Variants in SOBP observed in about 807,000 individuals in gnomAD.
SOBP encodes sine oculis-binding protein homolog.
Under a neutral mutation model 53.6 loss-of-function variants are expected in SOBP, and 4 were observed. That is an observed-to-expected ratio of 0.07 (90% CI 0.04 to 0.17). The LOEUF (loss-of-function observed/expected upper bound fraction) is 0.17. SOBP is among the 10% of genes least tolerant of loss of function. The pLI, the probability that SOBP is intolerant of heterozygous loss-of-function variation, is 1.00. For synonymous variants in SOBP, 584 were observed against 522.6 expected, an observed-to-expected ratio of 1.12 and a Z score of -1.60; for missense variants, 1,088 against 1,204.7, an observed-to-expected ratio of 0.90 and a Z score of 1.43.
At chr6:107,572,265 G>A (rs957316286) in intron 4 of SOBP, among the ~76,000 whole-genome samples, 24 of 150,744 alleles carry the variant, frequency 1.6e-4, no homozygotes, top group Non-Finnish European at 2.8e-4. Context: ...AAAAGCCCTA[G>A]CCTTTTGAAT....
At chr6:107,494,027 T>C (rs1008505913) in intron 1 of SOBP, among the ~76,000 whole-genome samples, 2 of 152,220 alleles carry the variant, frequency 1.3e-5, no homozygotes, top group African/African-American at 2.4e-5. Flanking sequence ...CCTGAAAATA[T>C]CTTCATGTAG....
intron 5 of SOBP, among the ~76,000 whole-genome samples, chr6:107,613,308 C>G (rs1308019689): frequency 6.6e-6 from 1 of 152,160 alleles, no homozygotes; most frequent in African/African-American, 2.4e-5. Flanking sequence ...AAGACTAGAC[C>G]CAGGAGAAAA....
intron 4 of SOBP, among the ~76,000 whole-genome samples, chr6:107,550,608 A>T (rs1350227578): frequency 1.3e-5 from 2 of 152,204 alleles, no homozygotes; most frequent in Non-Finnish European, 2.9e-5. Flanking sequence ...GCGGGTAAGA[A>T]GAACCCGGGC....
At chr6:107,529,616 G>C (rs1783762648) in intron 3 of SOBP, 1 of 985,284 alleles carries the variant, frequency 1.0e-6, no homozygotes, top group Admixed American at 6.1e-5. Flanking sequence ...GGTCAGGTAA[G>C]TTAGTATACA....
rs566492066 is a variant in SOBP at position 107,643,115 on chromosome 6, C to G, written c.*3+7646C>G. Among the ~76,000 whole-genome samples, 5 of 152,232 alleles carry G rather than the reference C, an allele frequency of 3.3e-5. No individual in the cohort carries two copies. The East Asian group carries it at 9.7e-4, about 29-fold the overall frequency. Reference sequence around the variant, plus strand: ...GGCATTTGGAGAGAGAAGGGGAAACCCTATATTTCATCCTTCAACTCTTGT... The same window carrying G: ...GGCATTTGGAGAGAGAAGGGGAAACGCTATATTTCATCCTTCAACTCTTGT... On this transcript the variant is annotated intron_variant, in intron 6 of 6. Transcript: ENST00000317357.
At chr6:107,646,291 G>A (rs1401689035) in intron 6 of SOBP, among the ~76,000 whole-genome samples, 1 of 152,224 alleles carries the variant, frequency 6.6e-6, no homozygotes, top group Non-Finnish European at 1.5e-5. Context: ...GTGGGCCTAA[G>A]GAAATGTCAC....
chr6:107,507,339 C>T lies in SOBP; in HGVS notation c.421+912C>T, dbSNP rs560297156. Among the ~76,000 whole-genome samples the T allele has an allele frequency of 3.9e-4, 59 of 152,100 alleles. 1 individual carries two copies. In the South Asian group the frequency reaches 0.011, roughly 28 times the overall value. ...TTGTTTTTTGAGACAGAGTTTCGCT[C>T]TTCTCACCCAGGCTGGAGAGCAGTG... On this transcript the variant is annotated intron_variant, in intron 3 of 6. Coordinates refer to ENST00000317357, the MANE Select transcript of SOBP (RefSeq NM_018013.4).
Position 107,591,960 on chromosome 6 carries a change from C to G in SOBP, c.669+4785C>G, listed in dbSNP as rs993320737. ...TGCTTTTGTGAGGGACAGATTTGGT[C>G]TTTTGGTGTTTTTTTTTTTTTTTTT... On this transcript the variant is annotated intron_variant, in intron 5 of 6. Transcript: ENST00000317357. 3.8e-3 allele frequency among the ~76,000 whole-genome samples: 362 copies of G among 95,058 alleles called. 5 individuals carry two copies. Among genetic ancestry groups the G allele is most frequent in the Non-Finnish European group, 4.0e-3 (195 of 48,864 alleles). 62.4% of individuals were successfully genotyped at this position (95,058 alleles called of 152,430 possible).
intron 4 of SOBP, among the ~76,000 whole-genome samples, chr6:107,573,366 TC>T (rs1223882138): frequency 6.6e-6 from 1 of 152,026 alleles, no homozygotes; most frequent in African/African-American, 2.4e-5. Context: ...TTTTTTTTTT[TC>T]TCCAGAAAAG....
At chr6:107,540,187 C>T (rs1226362826) in intron 4 of SOBP, among the ~76,000 whole-genome samples, 1 of 152,194 alleles carries the variant, frequency 6.6e-6, no homozygotes, top group African/African-American at 2.4e-5. Flanking sequence ...AATGTCTGGT[C>T]ACAATGCCTA....
rs1554190937 is a variant in SOBP at position 107,634,949 on chromosome 6, C to T, written c.2105C>T (p.Ala702Val). The T allele has an allele frequency of 9.5e-7, 1 of 1,052,116 alleles. No homozygotes were observed. Among genetic ancestry groups the T allele is most frequent in the East Asian group, 7.5e-5 (1 of 13,334 alleles). The allele number at this position is 1,052,116 out of a possible 1,614,324, so 65.2% of individuals were successfully genotyped here. A position where few individuals can be genotyped will look rare whatever the true frequency, so the allele number is the denominator to read the frequency against. ...AGGGACGGCCACTGCAGCCCGCCCG[C>T]CGCCGGCGACCCAGGCCCGGGCGCC... ...GCRDGHCSPP[A>V]AGDPGPGAPA... Residue 702 changes from alanine (A) to valine (V), a missense_variant, in exon 6 of 7, where the codon GCC (alanine) becomes GTC (valine). By Grantham distance (64) the Ala-to-Val change is moderately conservative. This residue lies in a region of SOBP where 665 missense variants were observed against 629.7 expected (regional missense o/e 1.06). Transcript: ENST00000317357. The surrounding 1 kb of genome is among the most constrained non-coding windows in gnomAD (Gnocchi z 4.5).
chr6:107,600,791 A>C (rs12661385), intron 5 of SOBP, among the ~76,000 whole-genome samples: 19,308 of 152,212 alleles, frequency 0.13, 1,462 homozygotes, highest in East Asian at 0.28. Flanking sequence ...CAGAATCCAC[A>C]TCATCAATGC....
intron 4 of SOBP, among the ~76,000 whole-genome samples, chr6:107,561,207 A>T (rs1645664044): frequency 1.3e-5 from 2 of 152,292 alleles, no homozygotes; most frequent in East Asian, 1.9e-4. Flanking sequence ...ATGTCTTGAG[A>T]CATTTCAGCT....
intron 5 of SOBP, among the ~76,000 whole-genome samples, chr6:107,624,204 T>C (rs1032782512): frequency 4.6e-5 from 7 of 152,230 alleles, no homozygotes. Flanking sequence ...AGAGGTATAG[T>C]GTTTTACATG....
At chr6:107,605,593 C>T (rs991367272) in intron 5 of SOBP, among the ~76,000 whole-genome samples, 11 of 152,194 alleles carry the variant, frequency 7.2e-5, no homozygotes, top group African/African-American at 2.7e-4. Context: ...TAGAATGTCC[C>T]AGGAAGCATG....
At position 107,634,422 on chromosome 6, in the gene SOBP, G is replaced by C. The variant is rs1343304963; in HGVS notation, c.1578G>C (p.Pro526=). ...TGCCGCCCCCGACCCTGCTCGTGCC[G>C]TACCCCGTGATCGTGCCCCTACCGG... The part of the protein sequence containing the change: ...PLVPPPTLLV[P]YPVIVPLPVP... Residue 526 remains proline (P), a synonymous_variant, in exon 6 of 7, where the codon CCG becomes CCC. Transcript: ENST00000317357. This position sits in a 1 kb window ranked among gnomAD's most constrained non-coding sequence, Gnocchi z 4.5. The C allele has an allele frequency of 6.2e-7, 1 of 1,605,692 alleles. No individual in the cohort carries two copies. The highest frequency in any genetic ancestry group is 8.5e-7 in the Non-Finnish European group (1 of 1,179,714).
Position 107,539,814 on chromosome 6 carries a change from A to G in SOBP, c.573+6204A>G, listed in dbSNP as rs117450865. On this transcript the variant is annotated intron_variant, in intron 4 of 6. Coordinates refer to ENST00000317357, the MANE Select transcript of SOBP (RefSeq NM_018013.4). ...CTTGCCACTAACAGTGTTCAGCTTTATCTGAAGAATGAGCGTTTAAAGAAT... is the reference window on the plus strand; with the variant it reads ...CTTGCCACTAACAGTGTTCAGCTTTGTCTGAAGAATGAGCGTTTAAAGAAT... Among the ~76,000 whole-genome samples the G allele has an allele frequency of 9.8e-5, 15 of 152,354 alleles. 1 individual carries two copies. In the East Asian group the frequency reaches 2.9e-3, roughly 29 times the overall value.
chr6:107,569,456 G>C (rs1785008116), intron 4 of SOBP, among the ~76,000 whole-genome samples: 1 of 152,210 alleles, frequency 6.6e-6, no homozygotes, highest in Non-Finnish European at 1.5e-5. Flanking sequence ...AGGATAAAGG[G>C]GGGTGAAATA....
In SOBP at chr6:107,659,359, C is replaced by G. The variant is rs1438562407; in HGVS notation, c.*1156C>G. 1.3e-5 allele frequency: 2 copies of G among 152,550 alleles called. No individual in the cohort carries two copies. The highest frequency in any genetic ancestry group is 2.4e-5 in the African/African-American group (1 of 41,402). 9.4% of individuals were successfully genotyped at this position (152,550 alleles called of 1,614,324 possible). On this transcript the variant is annotated 3_prime_UTR_variant, in exon 7 of 7. Transcript: ENST00000317357. ...GGTGGAGGATAACAGGGTAGATTCA[C>G]TTGTGTGCACTTGTACAGTTGTAGC...
Sources: gnomAD v4.1 joint callset for allele counts (sites outside exome capture counted in the v4.1 genomes callset) on GRCh38, gnomAD v4.1.1 for gene constraint, gnomAD v4.1.1 regional missense constraint, Gnocchi (gnomAD v3.1) non-coding constraint, MANE v1.5 for transcripts, NCBI Gene and HGNC (gene_info 2026-07-23, HGNC 2026-07-21) for gene names.